MYO10: variants seen among roughly 807,000 people sequenced by gnomAD.
MYO10 encodes unconventional myosin-X.
Under a neutral mutation model 257.3 loss-of-function variants are expected in MYO10, and 133 were observed. The observed-to-expected ratio is 0.52, with a 90% CI of 0.45 to 0.60. The LOEUF (loss-of-function observed/expected upper bound fraction) is 0.60. MYO10 is among the 20% of genes least tolerant of loss of function. The pLI is 0.00. For missense variants in MYO10, 2,399 were observed against 2,635.7 expected, an observed-to-expected ratio of 0.91 and a Z score of 1.97; for synonymous variants, 1,104 against 1,028.6, an observed-to-expected ratio of 1.07 and a Z score of -1.40.
intron 1 of MYO10, among the ~76,000 whole-genome samples, chr5:16,920,988 G>A (rs774007239): frequency 3.9e-4 from 59 of 151,974 alleles, no homozygotes; most frequent in Admixed American, 1.3e-3. Flanking sequence ...CGTGGTGGTG[G>A]GCGCCTGTAA....
intron 21 of MYO10, among the ~76,000 whole-genome samples, chr5:16,709,227 G>C (rs1303493688): frequency 1.3e-5 from 2 of 152,192 alleles, no homozygotes; most frequent in Non-Finnish European, 2.9e-5. Context: ...CTACCTCTAA[G>C]CCAAGACCTA....
At chr5:16,707,245 C>T (rs545330502) in intron 21 of MYO10, among the ~76,000 whole-genome samples, 32 of 152,306 alleles carry the variant, frequency 2.1e-4, no homozygotes, top group Admixed American at 1.9e-3. Flanking sequence ...TACCCAGTCT[C>T]GGGTATGTCT....
intron 19 of MYO10, among the ~76,000 whole-genome samples, chr5:16,728,061 C>T (rs1353152088): frequency 1.5e-4 from 23 of 152,122 alleles, no homozygotes; most frequent in Admixed American, 1.5e-3. Context: ...CTGAAAATCA[C>T]GTGTTGAGCG....
intron 9 of MYO10, among the ~76,000 whole-genome samples, chr5:16,773,312 A>G (rs1308373337): frequency 2.6e-5 from 4 of 152,238 alleles, no homozygotes; most frequent in Non-Finnish European, 5.9e-5. Flanking sequence ...GTTATTCTCA[A>G]GACTTTTTAA....
At chr5:16,824,822 A>C (rs1742953272) in intron 2 of MYO10, among the ~76,000 whole-genome samples, 1 of 152,262 alleles carries the variant, frequency 6.6e-6, no homozygotes, top group South Asian at 2.1e-4. Flanking sequence ...AGCCAAGATC[A>C]CACCACTACA....
In MYO10 at chr5:16,880,109, G is replaced by A. The variant is rs138706078; in HGVS notation, c.22-2402C>T. Among the ~76,000 whole-genome samples, 872 of 152,288 alleles carry A rather than the reference G, an allele frequency of 5.7e-3. 5 individuals carry two copies. Among genetic ancestry groups the A allele is most frequent in the Non-Finnish European group, 8.3e-3 (567 of 68,034 alleles). ...GCAGGAGAATTGCTTGAAACCAGGA[G>A]GCAGAGGTTACACTGAATTGAGATC... On this transcript the variant is annotated intron_variant, in intron 1 of 40. Coordinates refer to ENST00000513610, the MANE Select transcript of MYO10 (RefSeq NM_012334.3).
At position 16,850,735 on chromosome 5, in the gene MYO10, T is replaced by C. The variant is rs182951192; in HGVS notation, c.120+26874A>G. Among the ~76,000 whole-genome samples, 386 of 139,260 alleles carry C rather than the reference T, an allele frequency of 2.8e-3. 4 individuals are homozygous for C. Among genetic ancestry groups the C allele is most frequent in the African/African-American group, 9.8e-3 (367 of 37,378 alleles). The allele number at this position is 139,260 out of a possible 152,430, so 91.4% of individuals were successfully genotyped here. On this transcript the variant is annotated intron_variant, in intron 2 of 40. Coordinates refer to ENST00000513610, the MANE Select transcript of MYO10 (RefSeq NM_012334.3). ...TTCTGATGCCTTAATGTGATCGCTCTAAAAAGTTTGGGGAAGGGGGCTGGT... is the reference window on the plus strand; with the variant it reads ...TTCTGATGCCTTAATGTGATCGCTCCAAAAAGTTTGGGGAAGGGGGCTGGT...
chr5:16,882,243 A>G (rs1171337877), intron 1 of MYO10, among the ~76,000 whole-genome samples: 1 of 152,232 alleles, frequency 6.6e-6, no homozygotes, highest in East Asian at 1.9e-4. Context: ...TTCTACTGCC[A>G]ACAATGATTT....
At chr5:16,700,640 G>A (rs1307010666) in intron 25 of MYO10, among the ~76,000 whole-genome samples, 1 of 152,150 alleles carries the variant, frequency 6.6e-6, no homozygotes, top group African/African-American at 2.4e-5. Context: ...TCCTGCCAAT[G>A]CACTCCAGCC....
At chr5:16,928,722 G>A (rs1746209174) in intron 1 of MYO10, among the ~76,000 whole-genome samples, 1 of 151,310 alleles carries the variant, frequency 6.6e-6, no homozygotes, top group Admixed American at 6.6e-5. Context: ...GCAGGCGCCT[G>A]TAGTCCCAGC....
At position 16,919,903 on chromosome 5, in the gene MYO10, G is replaced by A. The variant is rs139617192; in HGVS notation, c.21+15885C>T. Among the ~76,000 whole-genome samples the A allele has an allele frequency of 1.1e-4, 16 of 152,274 alleles. No individual in the cohort carries two copies. The East Asian group carries it at 3.1e-3, about 29-fold the overall frequency. ...TAAGGTGGGTGGATCACGAGGTCAAGAGATCAAGACCATCCTGGCCAACAT... is the reference window on the plus strand; with the variant it reads ...TAAGGTGGGTGGATCACGAGGTCAAAAGATCAAGACCATCCTGGCCAACAT... On this transcript the variant is annotated intron_variant, in intron 1 of 40. Coordinates refer to ENST00000513610, the MANE Select transcript of MYO10 (RefSeq NM_012334.3).
At chr5:16,790,755 G>A (rs774832031) in intron 4 of MYO10, among the ~76,000 whole-genome samples, 26 of 151,946 alleles carry the variant, frequency 1.7e-4, no homozygotes, top group Non-Finnish European at 2.8e-4. Context: ...GTGTGAAAAC[G>A]GACTAATACA....
intron 25 of MYO10, among the ~76,000 whole-genome samples, chr5:16,700,606 G>A (rs1452598752): frequency 6.6e-6 from 1 of 152,168 alleles, no homozygotes; most frequent in Non-Finnish European, 1.5e-5. Flanking sequence ...GGACCCGAGA[G>A]GTGGGGACTG....
At chr5:16,851,529 T>C (rs192279107) in intron 2 of MYO10, among the ~76,000 whole-genome samples, 8 of 152,264 alleles carry the variant, frequency 5.3e-5, no homozygotes, top group African/African-American at 9.6e-5. Context: ...CGTTAGAGAA[T>C]TGTATAAATG....
intron 3 of MYO10, among the ~76,000 whole-genome samples, chr5:16,814,333 G>A (rs1026441595): frequency 1.3e-5 from 2 of 151,538 alleles, no homozygotes; most frequent in Non-Finnish European, 2.9e-5. Flanking sequence ...TTTTTTTAGT[G>A]GAGACGGGGT....
At chr5:16,756,303 C>A (rs1740526569) in intron 18 of MYO10, among the ~76,000 whole-genome samples, 1 of 152,062 alleles carries the variant, frequency 6.6e-6, no homozygotes, top group Non-Finnish European at 1.5e-5. Flanking sequence ...TCGACTCAAG[C>A]AATCTTTCCA....
chr5:16,762,143 A>AAAAAAAAAAATATATAT, intron 15 of MYO10, 30 bp from the exon 16 acceptor site: 1 of 1,091,652 alleles, frequency 9.2e-7, no homozygotes, highest in African/African-American at 1.6e-5. Flanking sequence ...AAAAAAAAAA[A>AAAAAAAAAAATATATAT]ATACAATGCC....
chr5:16,923,138 C>A (rs1296355919), intron 1 of MYO10, among the ~76,000 whole-genome samples: 1 of 152,130 alleles, frequency 6.6e-6, no homozygotes, highest in Non-Finnish European at 1.5e-5. Flanking sequence ...GTTTCTTCAG[C>A]CTTCAACTGC....
intron 1 of MYO10, among the ~76,000 whole-genome samples, chr5:16,904,174 G>A (rs772594520): frequency 2.6e-5 from 4 of 152,072 alleles, no homozygotes; most frequent in Non-Finnish European, 4.4e-5. Context: ...CAGAGCTTCC[G>A]GACAGCTGGA....
Sources: allele counts gnomAD v4.1 joint callset (sites outside exome capture counted in the v4.1 genomes callset), GRCh38; gene constraint gnomAD v4.1.1; transcripts MANE v1.5; gene names NCBI Gene and HGNC (gene_info 2026-07-23, HGNC 2026-07-21).